NLGN4X: variants seen among roughly 807,000 people sequenced by gnomAD.
The protein encoded by NLGN4X is neuroligin-4, X-linked.
Under a neutral mutation model 40.3 loss-of-function variants are expected in NLGN4X, and 3 were observed. The ratio of observed to expected loss-of-function variants is 0.07; its 90% CI spans 0.03 to 0.19. NLGN4X has a LOEUF of 0.19. NLGN4X is among the 10% of genes least tolerant of loss of function. The pLI is 1.00. For synonymous variants in NLGN4X, 270 were observed against 306.8 expected, an observed-to-expected ratio of 0.88 and a Z score of 1.25; for missense variants, 382 against 708.3, an observed-to-expected ratio of 0.54 and a Z score of 5.23.
intron 1 of NLGN4X, among the ~76,000 whole-genome samples, chrX:6,211,586 A>G (rs1924608085): frequency 8.9e-6 from 1 of 111,913 alleles, no homozygotes; most frequent in African/African-American, 3.2e-5. Flanking sequence ...AGATATGTGT[A>G]CAGATACAAA....
At chrX:6,041,782 T>C (rs781593263) in intron 2 of NLGN4X, among the ~76,000 whole-genome samples, 3 of 112,729 alleles carry the variant, frequency 2.7e-5, no homozygotes, top group Admixed American at 9.4e-5. Flanking sequence ...AGTTACATGG[T>C]AAATATCTTT....
intron 3 of NLGN4X, among the ~76,000 whole-genome samples, chrX:5,971,160 A>G (rs1288246591): frequency 8.9e-6 from 1 of 111,782 alleles, no homozygotes; most frequent in African/African-American, 3.3e-5. Flanking sequence ...CATTTGTCAG[A>G]CCAGAGTTTC....
intron 3 of NLGN4X, among the ~76,000 whole-genome samples, chrX:6,009,034 CTTTT>C (rs767851962): frequency 1.8e-5 from 2 of 110,022 alleles, no homozygotes; most frequent in South Asian, 4.0e-4. Flanking sequence ...AATTTCCTTT[CTTTT>C]AAGGGCTGAA....
chrX:6,053,473 G>T (rs938787968), intron 2 of NLGN4X, among the ~76,000 whole-genome samples: 1 of 110,894 alleles, frequency 9.0e-6, no homozygotes, highest in Non-Finnish European at 1.9e-5. Context: ...ACAAGTGGAA[G>T]ATGGCCAATG....
At chrX:6,128,607 G>T (rs1180565004) in intron 2 of NLGN4X, among the ~76,000 whole-genome samples, 1 of 111,226 alleles carries the variant, frequency 9.0e-6, no homozygotes. Context: ...TATAAGTGGG[G>T]GCTAAACACT....
chrX:5,916,740 C>T (rs1022878262), intron 3 of NLGN4X, among the ~76,000 whole-genome samples: 6 of 112,166 alleles, frequency 5.3e-5, no homozygotes, highest in Non-Finnish European at 1.1e-4. Context: ...TGAACCACTG[C>T]GTCCAGCCCA....
chrX:5,922,485 T>C (rs1255178890), intron 3 of NLGN4X, among the ~76,000 whole-genome samples: 1 of 111,754 alleles, frequency 8.9e-6, no homozygotes, highest in African/African-American at 3.3e-5. Context: ...TACTTGTCAA[T>C]TAAAACTAAA....
At chrX:6,173,156 T>C (rs148136279) in intron 1 of NLGN4X, among the ~76,000 whole-genome samples, 3 of 112,397 alleles carry the variant, frequency 2.7e-5, no homozygotes, top group Non-Finnish European at 5.6e-5. Flanking sequence ...ATCTGCTCCC[T>C]GTGGAGAGGA....
At chrX:6,044,106 A>AGAATAAATAAATAAATAAAT in intron 2 of NLGN4X, among the ~76,000 whole-genome samples, 1 of 96,435 alleles carries the variant, frequency 1.0e-5, no homozygotes. Context: ...GTTTCTATTA[A>AGAATAAATAAATAAATAAAT]AAATAAATAA....
At chrX:6,070,175 G>C (rs952472470) in intron 2 of NLGN4X, among the ~76,000 whole-genome samples, 3 of 109,559 alleles carry the variant, frequency 2.7e-5, no homozygotes, top group African/African-American at 1.0e-4. Flanking sequence ...ATTCTTTAAG[G>C]CTTTTTTTTT....
intron 2 of NLGN4X, among the ~76,000 whole-genome samples, chrX:6,150,392 T>A (rs192496510): frequency 8.0e-5 from 9 of 112,454 alleles, no homozygotes; most frequent in Admixed American, 3.8e-4. Context: ...ATCATCTGAT[T>A]ACATTTTGCC....
At chrX:6,170,640 T>C (rs1450970799) in intron 1 of NLGN4X, among the ~76,000 whole-genome samples, 4 of 112,425 alleles carry the variant, frequency 3.6e-5, no homozygotes, top group African/African-American at 1.3e-4. Flanking sequence ...TTGCCCAACA[T>C]ACAACATCCC....
intron 1 of NLGN4X, among the ~76,000 whole-genome samples, chrX:6,212,670 G>A (rs1230059740): frequency 8.9e-6 from 1 of 112,241 alleles, no homozygotes; most frequent in Non-Finnish European, 1.9e-5. Context: ...CAAGGACGCT[G>A]TAATGTTTGC....
At chrX:5,925,923 TATATATATAA>T (rs2033295201) in intron 3 of NLGN4X, among the ~76,000 whole-genome samples, 2 of 61,379 alleles carry the variant, frequency 3.3e-5, no homozygotes, top group East Asian at 1.1e-3. Context: ...TATATATATA[TATATATATAA>T]ACCTGCGAAG....
At chrX:6,171,239 CAA>C (rs2040600532) in intron 1 of NLGN4X, among the ~76,000 whole-genome samples, 1 of 112,293 alleles carries the variant, frequency 8.9e-6, no homozygotes, top group Non-Finnish European at 1.9e-5. Context: ...GAGACAACAA[CAA>C]CTTCACATTT....
intron 2 of NLGN4X, among the ~76,000 whole-genome samples, chrX:6,125,029 T>C (rs773383766): frequency 8.9e-6 from 1 of 112,399 alleles, no homozygotes; most frequent in African/African-American, 3.2e-5. Flanking sequence ...TATGTGTGTA[T>C]GTATATGTGT....
At chrX:5,929,617 T>C (rs965569128) in intron 3 of NLGN4X, among the ~76,000 whole-genome samples, 15 of 112,750 alleles carry the variant, frequency 1.3e-4, no homozygotes, top group African/African-American at 3.9e-4. Flanking sequence ...ATTACTTTGA[T>C]ATTCTAGAAG....
chrX:6,102,572 T>C (rs964164439), intron 2 of NLGN4X, among the ~76,000 whole-genome samples: 2 of 110,759 alleles, frequency 1.8e-5, no homozygotes, highest in African/African-American at 6.6e-5. Flanking sequence ...GTATATAATT[T>C]TGCTCAGTTA....
chrX:6,081,225 C>T lies in NLGN4X; in HGVS notation c.473-51793G>A, dbSNP rs921902603. Among the ~76,000 whole-genome samples the T allele has an allele frequency of 7.2e-5, 8 of 111,733 alleles. No individual in the cohort carries two copies. In the East Asian group the frequency reaches 2.3e-3, roughly 32 times the overall value. ...ATTGCTTGAGCCTAGGAGGTTGAGG[C>T]TGCAGGGAGCTGTGGACATGCCACT... is the stretch of plus-strand genomic sequence containing the variant. On this transcript the variant is annotated intron_variant, in intron 2 of 5. Transcript: ENST00000381095.
Sources: gnomAD v4.1 joint callset for allele counts (sites outside exome capture counted in the v4.1 genomes callset) on GRCh38, gnomAD v4.1.1 for gene constraint, MANE v1.5 for transcripts, NCBI Gene and HGNC (gene_info 2026-07-23, HGNC 2026-07-21) for gene names.